PHLPP1: variants seen among roughly 807,000 people sequenced by gnomAD.
PHLPP1 encodes PH domain and leucine rich repeat protein phosphatase 1, also known as PH domain leucine-rich repeat-containing protein phosphatase 1.
PHLPP1 carries 42 observed loss-of-function variants against 117.2 expected under a neutral mutation model. That is an observed-to-expected ratio of 0.36 (90% CI 0.28 to 0.46). The LOEUF (loss-of-function observed/expected upper bound fraction) is 0.46, where lower values mean the gene tolerates loss of function less well. Ranked by LOEUF, PHLPP1 falls within the 20% of genes least tolerant of loss-of-function variation. PHLPP1 has a pLI of 1.00. For synonymous variants in PHLPP1, 1,042 were observed against 970.7 expected (o/e 1.07, Z -1.37); for missense variants, 2,084 against 2,241.9 (o/e 0.93, Z 1.42).
intron 1 of PHLPP1, among the ~76,000 whole-genome samples, chr18:62,807,861 CAGTG>C (rs1386101640): frequency 1.3e-5 from 2 of 152,062 alleles, no homozygotes; most frequent in African/African-American, 2.4e-5. Context: ...TTGGGTGGGT[CAGTG>C]AGTGAGTGGT....
intron 9 of PHLPP1, among the ~76,000 whole-genome samples, chr18:62,916,073 T>TA (rs1444562743): frequency 6.6e-6 from 1 of 152,136 alleles, no homozygotes; most frequent in Non-Finnish European, 1.5e-5. Flanking sequence ...CCATTCCTGT[T>TA]TCCTTACCCA....
intron 1 of PHLPP1, among the ~76,000 whole-genome samples, chr18:62,800,478 C>CT (rs1375796118): frequency 6.6e-6 from 1 of 152,016 alleles, no homozygotes; most frequent in Non-Finnish European, 1.5e-5. Flanking sequence ...GTGATCTCAA[C>CT]TTTTTTTCTG....
intron 10 of PHLPP1, among the ~76,000 whole-genome samples, chr18:62,935,926 C>T (rs939183352): frequency 2.0e-5 from 3 of 152,056 alleles, no homozygotes; most frequent in African/African-American, 4.8e-5. Context: ...TCACTTGAAC[C>T]CAGGAGGTGG....
intron 5 of PHLPP1, 145 bp from the exon 6 acceptor site, chr18:62,895,636 A>T (rs550011245): frequency 2.8e-5 from 17 of 613,622 alleles, no homozygotes; most frequent in Non-Finnish European, 4.9e-5. Context: ...TTGGTCCATT[A>T]TTGCCTCAGG....
At chr18:62,902,390 C>T (rs533048851) in intron 6 of PHLPP1, among the ~76,000 whole-genome samples, 12 of 152,186 alleles carry the variant, frequency 7.9e-5, no homozygotes, top group Non-Finnish European at 1.3e-4. Flanking sequence ...GAGTCATGTA[C>T]TTGCATTCCC....
At chr18:62,827,432 T>C (rs1373828537) in intron 1 of PHLPP1, among the ~76,000 whole-genome samples, 1 of 152,178 alleles carries the variant, frequency 6.6e-6, no homozygotes, top group African/African-American at 2.4e-5. Context: ...AGAGCAAAAA[T>C]ATTCCTTATG....
chr18:62,940,354 C>CTT (rs66530466), intron 10 of PHLPP1, among the ~76,000 whole-genome samples: 577 of 46,740 alleles, frequency 0.012, 110 homozygotes, highest in African/African-American at 0.016. Flanking sequence ...TCTTTCTTTT[C>CTT]TTTTTTTTTT....
intron 1 of PHLPP1, among the ~76,000 whole-genome samples, chr18:62,828,337 A>T (rs80298696): frequency 0.024 from 3,579 of 152,212 alleles, 54 homozygotes; most frequent in South Asian, 0.055. Flanking sequence ...GGCCTGTCAC[A>T]TCTCACATGT....
At chr18:62,949,544 A>G (rs515846) in intron 12 of PHLPP1, among the ~76,000 whole-genome samples, 1 of 151,736 alleles carries the variant, frequency 6.6e-6, no homozygotes, top group African/African-American at 2.4e-5. Flanking sequence ...AGTTATTAGT[A>G]GGAAAAATAA....
chr18:62,841,629 G>T (rs1915053473), intron 3 of PHLPP1, among the ~76,000 whole-genome samples: 1 of 151,998 alleles, frequency 6.6e-6, no homozygotes, highest in African/African-American at 2.4e-5. Flanking sequence ...ACTGCACCTG[G>T]CTTACTTTTC....
In PHLPP1 at chr18:62,767,190, T is replaced by G. The variant is rs530030904; in HGVS notation, c.1576+49931T>G. Among the ~76,000 whole-genome samples, 3 of 152,278 alleles carry G rather than the reference T, an allele frequency of 2.0e-5. No homozygotes were observed. The South Asian group carries it at 6.2e-4, about 32-fold the overall frequency. On this transcript the variant is annotated intron_variant, in intron 1 of 16. Coordinates refer to ENST00000262719, the MANE Select transcript of PHLPP1 (RefSeq NM_194449.4). ...CTCAGTATATGGAAAGGAGACAATA[T>G]CAGATCAGGAAAATTAATTTTCCAA...
At chr18:62,829,604 T>C (rs1354864920) in intron 1 of PHLPP1, among the ~76,000 whole-genome samples, 1 of 151,754 alleles carries the variant, frequency 6.6e-6, no homozygotes, top group Non-Finnish European at 1.5e-5. Flanking sequence ...ATACAAAAAA[T>C]TTAGTCGTGT....
At chr18:62,782,515 G>T (rs1443754712) in intron 1 of PHLPP1, among the ~76,000 whole-genome samples, 1 of 152,124 alleles carries the variant, frequency 6.6e-6, no homozygotes, top group Non-Finnish European at 1.5e-5. Flanking sequence ...TTGCTTAAAA[G>T]TATCTTAGTA....
chr18:62,849,824 A>ATATATATATATATATATATATATATATAT (rs1450269021), intron 3 of PHLPP1, among the ~76,000 whole-genome samples: 9 of 44,758 alleles, frequency 2.0e-4, no homozygotes, highest in Non-Finnish European at 3.7e-4. Context: ...AAAAAAAAAA[A>ATATATATATATATATATATATATATATAT]AAAAAAAAAT....
At chr18:62,725,867 A>T (rs1911053238) in intron 1 of PHLPP1, among the ~76,000 whole-genome samples, 5 of 152,246 alleles carry the variant, frequency 3.3e-5, no homozygotes, top group Admixed American at 2.0e-4. Context: ...ATTTTAAATG[A>T]GTAAAGGAAC....
At chr18:62,880,549 G>A (rs560657431) in intron 4 of PHLPP1, among the ~76,000 whole-genome samples, 130 of 151,838 alleles carry the variant, frequency 8.6e-4, no homozygotes, top group African/African-American at 3.1e-3. Context: ...ATTTGTCCTA[G>A]TGTGGCGGTT....
chr18:62,802,720 AT>A (rs1421689936), intron 1 of PHLPP1, among the ~76,000 whole-genome samples: 1 of 152,216 alleles, frequency 6.6e-6, no homozygotes, highest in Non-Finnish European at 1.5e-5. Context: ...CCGAGAATGT[AT>A]AAATGGATGA....
At chr18:62,793,778 G>A (rs1375936078) in intron 1 of PHLPP1, among the ~76,000 whole-genome samples, 2 of 152,182 alleles carry the variant, frequency 1.3e-5, no homozygotes, top group Non-Finnish European at 2.9e-5. Flanking sequence ...TGACTCTAGA[G>A]TCTATTCTCT....
At chr18:62,945,322 T>C in intron 12 of PHLPP1, 51 bp downstream of exon 12, 1 of 1,470,804 alleles carries the variant, frequency 6.8e-7, no homozygotes, top group Non-Finnish European at 9.2e-7. Flanking sequence ...CAAAGAAAGT[T>C]GACTTCCTAA....
Sources: allele counts gnomAD v4.1 joint callset (sites outside exome capture counted in the v4.1 genomes callset), GRCh38; gene constraint gnomAD v4.1.1; transcripts MANE v1.5; gene names NCBI Gene and HGNC (gene_info 2026-07-23, HGNC 2026-07-21).